The following ACTN4 variants were observed in gnomAD, a reference collection of about 807,000 sequenced individuals.
ACTN4 encodes the protein alpha-actinin-4.
A neutral mutation model predicts 114.2 loss-of-function variants in ACTN4; 18 were observed. That is an observed-to-expected ratio of 0.16 (90% CI 0.11 to 0.23). The LOEUF (loss-of-function observed/expected upper bound fraction) is 0.23, where lower values mean the gene tolerates loss of function less well. Ranked by LOEUF, ACTN4 falls within the 10% of genes least tolerant of loss-of-function variation. The probability of loss-of-function intolerance (pLI) is 1.00; values close to 1 mark genes in which losing one functional copy is unlikely to be tolerated. For synonymous variants in ACTN4, 515 were observed against 506.3 expected, an observed-to-expected ratio of 1.02 and a Z score of -0.23; for missense variants, 722 against 1,262.9, an observed-to-expected ratio of 0.57 and a Z score of 6.49.
chr19:38,713,807 C>T (rs1049395790), intron 8 of ACTN4, among the ~76,000 whole-genome samples: 2 of 146,364 alleles, frequency 1.4e-5, no homozygotes, highest in African/African-American at 5.1e-5. Context: ...TCTCTCTCCC[C>T]GTGTGCACCC....
At chr19:38,693,172 C>T (rs934204818) in intron 1 of ACTN4, among the ~76,000 whole-genome samples, 1 of 151,920 alleles carries the variant, frequency 6.6e-6, no homozygotes, top group African/African-American at 2.4e-5. Flanking sequence ...GCGTGGGGTC[C>T]GTGGAATCCA....
At chr19:38,701,172 G>A in intron 3 of ACTN4, 51 bp downstream of exon 3, 7 of 1,610,938 alleles carry the variant, frequency 4.3e-6, no homozygotes, top group Non-Finnish European at 5.9e-6. Flanking sequence ...TGACCTTTAG[G>A]CTCTGAAGCA....
chr19:38,690,929 C>G (rs931170940), intron 1 of ACTN4, among the ~76,000 whole-genome samples: 1 of 152,158 alleles, frequency 6.6e-6, no homozygotes, highest in Admixed American at 6.5e-5. Context: ...AAGCTGGATG[C>G]GAGATGCCGC....
chr19:38,673,066 C>G (rs1031823820), intron 1 of ACTN4, among the ~76,000 whole-genome samples: 1 of 151,570 alleles, frequency 6.6e-6, no homozygotes, highest in African/African-American at 2.4e-5. Flanking sequence ...CCTCAGCTTC[C>G]CAATTAGCTG....
intron 19 of ACTN4, chr19:38,728,431 C>T: frequency 9.8e-7 from 1 of 1,017,928 alleles, no homozygotes; most frequent in Non-Finnish European, 1.3e-6. Flanking sequence ...TCCTCCTCCT[C>T]CTCCTCCTCC....
At chr19:38,650,485 C>T (rs981345908) in intron 1 of ACTN4, among the ~76,000 whole-genome samples, 26 of 152,186 alleles carry the variant, frequency 1.7e-4, no homozygotes, top group Non-Finnish European at 2.9e-4. Flanking sequence ...TCACAGAGTC[C>T]GCTAATACCA....
chr19:38,718,169 C>T, intron 11 of ACTN4, 95 bp downstream of exon 11: 3 of 1,540,254 alleles, frequency 1.9e-6, no homozygotes, highest in East Asian at 2.4e-5. Flanking sequence ...CAGCCCCCTG[C>T]CACGTTGGGT....
chr19:38,700,378 G>GT (rs1968230715), intron 1 of ACTN4, among the ~76,000 whole-genome samples: 14 of 152,130 alleles, frequency 9.2e-5, no homozygotes, highest in Admixed American at 9.2e-4. Flanking sequence ...TCTTGTGATG[G>GT]GTCATTAACC....
At chr19:38,719,977 T>A (rs1257972410) in intron 11 of ACTN4, among the ~76,000 whole-genome samples, 1 of 152,228 alleles carries the variant, frequency 6.6e-6, no homozygotes, top group Non-Finnish European at 1.5e-5. Context: ...CCTACCTGAC[T>A]GGGCATCCAC....
rs1216540259 is a variant in ACTN4 at position 38,719,637 on chromosome 19, C to A, written c.1291+1563C>A. 5.3e-5 allele frequency among the ~76,000 whole-genome samples: 8 copies of A among 152,380 alleles called. No homozygotes were observed. The East Asian group carries it at 1.2e-3, about 22-fold the overall frequency. On this transcript the variant is annotated intron_variant, in intron 11 of 20. Transcript: ENST00000252699. ...CGATGCCATCTTGTGTGGTTGGTGG[C>A]CTCCATCCATTCCCGGATTCACTCA...
Position 38,726,940 on chromosome 19 carries a change from C to A in ACTN4, c.2191-17C>A. 6.2e-7 allele frequency: 1 copy of A among 1,613,446 alleles called. No individual in the cohort carries two copies. Among genetic ancestry groups the A allele is most frequent in the Non-Finnish European group, 8.5e-7 (1 of 1,179,974 alleles). On this transcript the variant is annotated splice_polypyrimidine_tract_variant and intron_variant, in intron 17 of 20. Transcript: ENST00000252699. ...TCACAGCACCCGGCCCACGATCACG[C>A]CCCCGTCTTTCCGCAGCACATCCGC...
At position 38,717,437 on chromosome 19, in the gene ACTN4, T is replaced by C. The variant is rs1968879323; in HGVS notation, c.1143+121T>C. The C allele has an allele frequency of 1.5e-6, 2 of 1,352,166 alleles. No individual in the cohort carries two copies. Among genetic ancestry groups the C allele is most frequent in the African/African-American group, 1.4e-5 (1 of 69,016 alleles). 83.8% of individuals were successfully genotyped at this position (1,352,166 alleles called of 1,614,324 possible). ...TGTTGATGTCCTGTGGGACATGGCA[T>C]GGCCTTTCGGATGCAGTGGTCGGGG... is the stretch of plus-strand genomic sequence containing the variant. On this transcript the variant is annotated intron_variant, in intron 10 of 20. Coordinates refer to ENST00000252699, the MANE Select transcript of ACTN4 (RefSeq NM_004924.6). This position sits in a 1 kb window ranked among gnomAD's most constrained non-coding sequence, Gnocchi z 4.0.
In ACTN4 at chr19:38,715,612, G is replaced by C. The variant is rs369898773; in HGVS notation, c.912+1051G>C. Among the ~76,000 whole-genome samples the C allele has an allele frequency of 2.0e-5, 3 of 152,252 alleles. No individual in the cohort carries two copies. In the South Asian group the frequency reaches 6.2e-4, roughly 32 times the overall value. ...ACCAGGAAAATTTGAAAAACTATTGGATGTCCAACCTAAGAGGGCCAGCTT... is the reference window on the plus strand; with the variant it reads ...ACCAGGAAAATTTGAAAAACTATTGCATGTCCAACCTAAGAGGGCCAGCTT... On this transcript the variant is annotated intron_variant, in intron 9 of 20. Coordinates refer to ENST00000252699, the MANE Select transcript of ACTN4 (RefSeq NM_004924.6).
intron 12 of ACTN4, 45 bp downstream of exon 12, chr19:38,721,733 A>G: frequency 6.2e-7 from 1 of 1,605,548 alleles, no homozygotes; most frequent in East Asian, 2.2e-5. Flanking sequence ...CTCTCACCAC[A>G]GCCTGCCCAG....
At position 38,724,916 on chromosome 19, in the gene ACTN4, C is replaced by T. The variant is rs1281252341; in HGVS notation, c.2010+351C>T. Among the ~76,000 whole-genome samples, 1 of 152,184 alleles carries T rather than the reference C, an allele frequency of 6.6e-6. No individual in the cohort carries two copies. Among genetic ancestry groups the T allele is most frequent in the East Asian group, 1.9e-4 (1 of 5,196 alleles). Reference sequence around the variant, plus strand: ...GAGGCTGCCGTGAGCTACGATCATGCCACTGCACTTCAGCCTGACAGCGAG... The same window carrying T: ...GAGGCTGCCGTGAGCTACGATCATGTCACTGCACTTCAGCCTGACAGCGAG... On this transcript the variant is annotated intron_variant, in intron 16 of 20. Coordinates refer to ENST00000252699, the MANE Select transcript of ACTN4 (RefSeq NM_004924.6). The surrounding 1 kb of genome is among the most constrained non-coding windows in gnomAD (Gnocchi z 7.0).
In ACTN4 at chr19:38,647,874, G is replaced by T; in HGVS notation, c.129G>T (p.Leu43=). 1 of 1,529,106 alleles carries T rather than the reference G, an allele frequency of 6.5e-7. No homozygotes were observed. The highest frequency in any genetic ancestry group is 2.0e-5 in the Admixed American group (1 of 49,944). The allele number at this position is 1,529,106 out of a possible 1,614,324, so 94.7% of individuals were successfully genotyped here. The change falls in exon 1 of 21, where the codon CTG becomes CTT. Residue 43 remains leucine, a synonymous_variant. Transcript: ENST00000252699. ...AGGACGACTGGGACCGGGACCTGCT[G>T]CTGGACCCGGCCTGGGAGAAGCAGC... ...AQEDDWDRDL[L]LDPAWEKQQR...
In ACTN4 at chr19:38,714,660, A is replaced by G. The variant is rs540985087; in HGVS notation, c.912+99A>G. ...GGAAAGCAGGTGTGGCAGCGAGATG[A>G]CCTAGAAAAGGCTGCGTGGTCACAG... On this transcript the variant is annotated intron_variant, in intron 9 of 20. Coordinates refer to ENST00000252699, the MANE Select transcript of ACTN4 (RefSeq NM_004924.6). 1.9e-5 allele frequency: 24 copies of G among 1,284,620 alleles called. No homozygotes were observed. In the East Asian group the frequency reaches 5.9e-4, roughly 31 times the overall value. 79.6% of individuals were successfully genotyped at this position (1,284,620 alleles called of 1,614,324 possible). A position where few individuals can be genotyped will look rare whatever the true frequency, so the allele number is the denominator to read the frequency against.
intron 11 of ACTN4, among the ~76,000 whole-genome samples, chr19:38,720,919 G>C (rs372258290): frequency 5.3e-5 from 8 of 152,366 alleles, no homozygotes; most frequent in South Asian, 2.1e-4. Context: ...TGCTTGCAGG[G>C]CTTCCTTGAG....
chr19:38,685,782 A>T (rs575419189), intron 1 of ACTN4, among the ~76,000 whole-genome samples: 12 of 152,118 alleles, frequency 7.9e-5, no homozygotes, highest in African/African-American at 2.9e-4. Flanking sequence ...CTTTCACTGG[A>T]ATAGGATGGC....
Sources: allele counts gnomAD v4.1 joint callset (sites outside exome capture counted in the v4.1 genomes callset), GRCh38; gene constraint gnomAD v4.1.1; non-coding constraint Gnocchi (gnomAD v3.1); transcripts MANE v1.5; gene names NCBI Gene and HGNC (gene_info 2026-07-23, HGNC 2026-07-21).